Variants in SERPINB4 observed in about 807,000 individuals in gnomAD.
SERPINB4 encodes serpin family B member 4.
In SERPINB4, 39 loss-of-function variants were observed where a neutral mutation model predicts 33.2. The ratio of observed to expected loss-of-function variants is 1.18; its 90% CI spans 0.91 to 1.53. SERPINB4 has a LOEUF of 1.53. Ranked by LOEUF, SERPINB4 falls within the 40% of genes most tolerant of loss-of-function variation. The pLI is 0.00. For missense variants in SERPINB4, 564 were observed against 455.4 expected, an observed-to-expected ratio of 1.24 and a Z score of -2.17; for synonymous variants, 191 against 166.4, an observed-to-expected ratio of 1.15 and a Z score of -1.14.
intron 3 of SERPINB4, among the ~76,000 whole-genome samples, chr18:63,642,400 T>C (rs1913164867): frequency 6.6e-6 from 1 of 152,112 alleles, no homozygotes; most frequent in Non-Finnish European, 1.5e-5. Flanking sequence ...GAAGAGTGTA[T>C]GCCAGGTCCA....
In SERPINB4 at chr18:63,637,649, T is replaced by G; in HGVS notation, c.*70A>C. 1 of 1,455,582 alleles carries G rather than the reference T, an allele frequency of 6.9e-7. No homozygotes were observed. Among genetic ancestry groups the G allele is most frequent in the Non-Finnish European group, 9.3e-7 (1 of 1,080,502 alleles). The allele number at this position is 1,455,582 out of a possible 1,614,324, so 90.2% of individuals were successfully genotyped here. ...AATATGAGCCAAGAGAATCTGTTGT[T>G]GCCAGCAATCAGTTTACCAGAACAC... On this transcript the variant is annotated 3_prime_UTR_variant, in exon 8 of 8. Coordinates refer to ENST00000341074, the MANE Select transcript of SERPINB4 (RefSeq NM_002974.4).
chr18:63,642,343 G>A (rs1175881014), intron 3 of SERPINB4, among the ~76,000 whole-genome samples: 1 of 152,098 alleles, frequency 6.6e-6, no homozygotes, highest in East Asian at 1.9e-4. Context: ...AGGACACATT[G>A]ACTGATCTGT....
chr18:63,639,907 T>A, intron 5 of SERPINB4, 131 bp from the exon 6 acceptor site: 1 of 853,468 alleles, frequency 1.2e-6, no homozygotes, highest in Non-Finnish European at 1.8e-6. Context: ...CTGACTTTGA[T>A]CTTTGAATTG....
chr18:63,639,137 G>C, intron 7 of SERPINB4, 48 bp downstream of exon 7: 1 of 1,531,352 alleles, frequency 6.5e-7, no homozygotes, highest in East Asian at 2.3e-5. Context: ...GGTATCTTTG[G>C]AAAAATGTCC....
At position 63,637,699 on chromosome 18, in the gene SERPINB4, G is replaced by C. The variant is rs1401850197; in HGVS notation, c.*20C>G. On this transcript the variant is annotated 3_prime_UTR_variant, in exon 8 of 8. Coordinates refer to ENST00000341074, the MANE Select transcript of SERPINB4 (RefSeq NM_002974.4). ...CCTCTAGGTGAACATTTTCTAAATG[G>C]AGTGACAGACTAATTGCATCTATGG... The C allele has an allele frequency of 6.4e-7, 1 of 1,572,560 alleles. No homozygotes were observed. The highest frequency in any genetic ancestry group is 8.6e-7 in the Non-Finnish European group (1 of 1,159,000).
At chr18:63,639,410 T>C (rs1568163103) in intron 6 of SERPINB4, 70 bp from the exon 7 acceptor site, 3 of 1,399,988 alleles carry the variant, frequency 2.1e-6, no homozygotes, top group South Asian at 2.8e-5. Context: ...ATTATTGAGA[T>C]AGCAACACAT....
At chr18:63,641,921 G>A (rs2144473070) in intron 3 of SERPINB4, 33 bp from the exon 4 acceptor site, 1 of 1,610,914 alleles carries the variant, frequency 6.2e-7, no homozygotes, top group Non-Finnish European at 8.5e-7. Context: ...TCATTCAATT[G>A]CTGTATCAAT....
chr18:63,642,751 A>G (rs1913178228), intron 3 of SERPINB4: 2 of 161,292 alleles, frequency 1.2e-5, no homozygotes, highest in South Asian at 1.8e-4. Context: ...TAATAATAAC[A>G]TTTATTATGA....
chr18:63,640,380 G>A (rs1426899425), intron 5 of SERPINB4, among the ~76,000 whole-genome samples: 2 of 152,008 alleles, frequency 1.3e-5, no homozygotes, highest in Non-Finnish European at 2.9e-5. Flanking sequence ...CCCTTGATGG[G>A]GAAGAGAGCT....
intron 7 of SERPINB4, among the ~76,000 whole-genome samples, chr18:63,638,794 C>A (rs956545139): frequency 4.2e-5 from 5 of 119,604 alleles, no homozygotes; most frequent in African/African-American, 1.7e-4. Flanking sequence ...GGTAACATCA[C>A]ACTCTGAGGA....
chr18:63,638,061 C>G lies in SERPINB4; in HGVS notation c.831G>C (p.Glu277Asp), dbSNP rs1912997055. 1.2e-6 allele frequency: 2 copies of G among 1,613,404 alleles called. No individual in the cohort carries two copies. Among genetic ancestry groups the G allele is most frequent in the South Asian group, 2.2e-5 (2 of 91,076 alleles). ...MEWTSLQNMR[E>D]TCVDLHLPRF... The stretch of plus-strand genomic sequence containing the variant: ...GAGGTAAGTGTAAATCGACACATGT[C>G]TCTCTCATATTCTGCAAACTTGTCC... Residue 277 changes from glutamate (E) to aspartate (D), a missense_variant, in exon 8 of 8, where the codon GAG (glutamate) becomes GAC (aspartate). By Grantham distance (45) the Glu-to-Asp change is conservative. Coordinates refer to ENST00000341074, the MANE Select transcript of SERPINB4 (RefSeq NM_002974.4).
intron 5 of SERPINB4, among the ~76,000 whole-genome samples, 172 bp downstream of exon 5, chr18:63,640,702 C>T (rs1157820070): frequency 6.6e-6 from 1 of 151,912 alleles, no homozygotes. Flanking sequence ...TCCTTGGCTC[C>T]CCTAGGCTCT....
rs750083408 is a variant in SERPINB4, at chr18:63,641,747, C to A, written c.351+13G>T. ...GGATGCAAATGAAATGTGGGTAGGCCAGGTGAAATTACCTGTAAAAATTGA... is the reference window on the plus strand; with the variant it reads ...GGATGCAAATGAAATGTGGGTAGGCAAGGTGAAATTACCTGTAAAAATTGA... On this transcript the variant is annotated intron_variant, in intron 4 of 7. Coordinates refer to ENST00000341074, the MANE Select transcript of SERPINB4 (RefSeq NM_002974.4). 7 of 1,612,944 alleles carry A rather than the reference C, an allele frequency of 4.3e-6. No homozygotes were observed. The highest frequency in any genetic ancestry group is 1.7e-6 in the Non-Finnish European group (2 of 1,179,308).
intron 2 of SERPINB4, 68 bp downstream of exon 2, chr18:63,643,345 A>G (rs1913201355): frequency 1.9e-6 from 3 of 1,609,828 alleles, no homozygotes; most frequent in Middle Eastern, 3.3e-4. Flanking sequence ...ATCTATTACC[A>G]TCTGCGTGCT....
chr18:63,639,103 T>C (rs1236544108), intron 7 of SERPINB4, 82 bp downstream of exon 7: 14 of 1,421,684 alleles, frequency 9.8e-6, no homozygotes, highest in African/African-American at 4.3e-5. Flanking sequence ...AACTCGGTCA[T>C]AAGCTTTTAC....
intron 7 of SERPINB4, among the ~76,000 whole-genome samples, chr18:63,638,574 A>G (rs1264129845): frequency 6.6e-6 from 1 of 151,888 alleles, no homozygotes; most frequent in Non-Finnish European, 1.5e-5. Context: ...CTAAATTCCT[A>G]AATTTGTATT....
At position 63,637,690 on chromosome 18, in the gene SERPINB4, T is replaced by C. The variant is rs1370366339; in HGVS notation, c.*29A>G. ...ACCAGAACACCTCTAGGTGAACATT[T>C]TCTAAATGGAGTGACAGACTAATTG... On this transcript the variant is annotated 3_prime_UTR_variant, in exon 8 of 8. Coordinates refer to ENST00000341074, the MANE Select transcript of SERPINB4 (RefSeq NM_002974.4). The C allele has an allele frequency of 6.4e-7, 1 of 1,561,582 alleles. No homozygotes were observed. Among genetic ancestry groups the C allele is most frequent in the East Asian group, 2.2e-5 (1 of 44,480 alleles).
Position 63,639,346 on chromosome 18 carries a change from A to T in SERPINB4, c.613-6T>A, listed in dbSNP as rs761100136. ...TGTACAGATTTGTATGTATTCTGCA[A>T]TAAATCAATGTGTCCAACAAATAAC... is the stretch of plus-strand genomic sequence containing the variant. On this transcript the variant is annotated splice_region_variant and splice_polypyrimidine_tract_variant and intron_variant, in intron 6 of 7. Coordinates refer to ENST00000341074, the MANE Select transcript of SERPINB4 (RefSeq NM_002974.4). 2.5e-6 allele frequency: 4 copies of T among 1,597,668 alleles called. No individual in the cohort carries two copies.
Position 63,641,768 on chromosome 18 carries a change from AT to A in SERPINB4, c.342del (p.Gln114HisfsTer7). ...AGGCCAGGTGAAATTACCTGTAAAA[AT>A]TGATACGTCTTTTCTCCGAAGAGCT... ...ANKLFGEKTY[Q>X]FLQEYLDAIK... On this transcript the variant is annotated frameshift_variant, in exon 4 of 8. Transcript: ENST00000341074. LOFTEE classifies it high-confidence loss of function. 3 of 1,613,360 alleles carry A rather than the reference AT, an allele frequency of 1.9e-6. No homozygotes were observed. The highest frequency in any genetic ancestry group is 2.5e-6 in the Non-Finnish European group (3 of 1,179,462).
Sources: gnomAD v4.1 joint callset for allele counts (sites outside exome capture counted in the v4.1 genomes callset) on GRCh38, gnomAD v4.1.1 for gene constraint, MANE v1.5 for transcripts, NCBI Gene and HGNC (gene_info 2026-07-23, HGNC 2026-07-21) for gene names.